PCMTD1: variants seen among roughly 807,000 people sequenced by gnomAD.
PCMTD1 encodes the protein protein-L-isoaspartate (D-aspartate) O-methyltransferase domain containing 1.
In PCMTD1, 12 loss-of-function variants were observed where a neutral mutation model predicts 37.6. The observed-to-expected ratio is 0.32, with a 90% CI of 0.20 to 0.52. PCMTD1 has a LOEUF of 0.52. Among genes scored for constraint, PCMTD1 ranks in the 20% least tolerant of loss-of-function variants. The pLI, the probability that PCMTD1 is intolerant of heterozygous loss-of-function variation, is 0.97. For synonymous variants in PCMTD1, 117 were observed against 135.8 expected (o/e 0.86, Z 0.96); for missense variants, 235 against 421.3 (o/e 0.56, Z 3.87).
intron 3 of PCMTD1, among the ~76,000 whole-genome samples, chr8:51,844,041 T>C (rs1047706299): frequency 1.3e-5 from 2 of 152,140 alleles, no homozygotes; most frequent in African/African-American, 4.8e-5. Flanking sequence ...AGCAATTAAA[T>C]AAAATGAACA....
At chr8:51,826,876 A>G in intron 5 of PCMTD1, 1 of 854,060 alleles carries the variant, frequency 1.2e-6, no homozygotes, top group Non-Finnish European at 1.4e-6. Flanking sequence ...AGAAAGAAAT[A>G]GGATTTTTAA....
chr8:51,845,786 AT>A (rs1396311168), intron 2 of PCMTD1, 23 bp from the exon 3 acceptor site: 1 of 1,529,868 alleles, frequency 6.5e-7, no homozygotes, highest in African/African-American at 1.4e-5. Context: ...CAGCATTTTT[AT>A]AAAAAATATT....
intron 3 of PCMTD1, among the ~76,000 whole-genome samples, chr8:51,835,401 A>G (rs1278330136): frequency 6.6e-6 from 1 of 152,194 alleles, no homozygotes; most frequent in Non-Finnish European, 1.5e-5. Context: ...ATCATATTTA[A>G]TTTCTCTTTT....
chr8:51,876,397 A>C (rs75357928), intron 1 of PCMTD1, among the ~76,000 whole-genome samples: 8,876 of 36,984 alleles, frequency 0.24, 376 homozygotes, highest in Non-Finnish European at 0.47. Flanking sequence ...CACACACACA[A>C]AAAAAAATAG....
chr8:51,892,957 G>T (rs1388421705), intron 1 of PCMTD1, among the ~76,000 whole-genome samples: 1 of 152,162 alleles, frequency 6.6e-6, no homozygotes, highest in African/African-American at 2.4e-5. Context: ...TATATTTTTT[G>T]TATCACTTAA....
Position 51,873,970 on chromosome 8 carries a change from T to A in PCMTD1, c.-95-12724A>T, listed in dbSNP as rs1162884609. On this transcript the variant is annotated intron_variant, in intron 1 of 5. Transcript: ENST00000522514. ...GCTCTGTCACCAGGGTGGAGTGCAG[T>A]GGCGCAATCTCAGCTCACTGCAAGC... 2.0e-5 allele frequency among the ~76,000 whole-genome samples: 3 copies of A among 151,642 alleles called. No homozygotes were observed. The East Asian group carries it at 5.8e-4, about 29-fold the overall frequency.
chr8:51,820,717 A>G lies in PCMTD1; in HGVS notation c.708T>C (p.Pro236=), dbSNP rs769737090. 1.9e-6 allele frequency: 3 copies of G among 1,586,836 alleles called. No individual in the cohort carries two copies. The highest frequency in any genetic ancestry group is 2.6e-6 in the Non-Finnish European group (3 of 1,171,146). ...CCTGTAGATTCCTGACAGCACAGGGAGCTAAAAACAAACATAAAACGCAAG... is the reference window on the plus strand; with the variant it reads ...CCTGTAGATTCCTGACAGCACAGGGGGCTAAAAACAAACATAAAACGCAAG... ...DNGKPDSVGL[P]PCAVRNLQDL... Residue 236 remains proline (P), a splice_region_variant and synonymous_variant, in exon 6 of 6, where the codon CCT becomes CCC. Transcript: ENST00000522514.
At chr8:51,889,118 C>T (rs940652818) in intron 1 of PCMTD1, among the ~76,000 whole-genome samples, 2 of 152,164 alleles carry the variant, frequency 1.3e-5, no homozygotes, top group Non-Finnish European at 2.9e-5. Flanking sequence ...GTTAACTCCT[C>T]ACTCACTGCC....
chr8:51,893,354 A>T (rs1585864264), intron 1 of PCMTD1, among the ~76,000 whole-genome samples: 4 of 152,220 alleles, frequency 2.6e-5, no homozygotes, highest in Admixed American at 2.6e-4. Context: ...GATTATTTTT[A>T]AAAAGTCTGA....
chr8:51,873,188 G>C (rs546416292), intron 1 of PCMTD1, among the ~76,000 whole-genome samples: 1 of 152,258 alleles, frequency 6.6e-6, no homozygotes, highest in South Asian at 2.1e-4. Context: ...CATAGGAATA[G>C]AGGCAGGATG....
intron 1 of PCMTD1, among the ~76,000 whole-genome samples, chr8:51,868,822 C>T (rs1363234220): frequency 1.3e-5 from 2 of 152,080 alleles, no homozygotes; most frequent in African/African-American, 2.4e-5. Context: ...GATAATGTGC[C>T]TTTGCAGAAA....
rs2037821916 is a variant in PCMTD1, at chr8:51,820,162, A to T, written c.*189T>A. 2.1e-6 allele frequency: 1 copy of T among 470,080 alleles called. No individual in the cohort carries two copies. Among genetic ancestry groups the T allele is most frequent in the Admixed American group, 4.1e-5 (1 of 24,424 alleles). 29.1% of individuals were successfully genotyped at this position (470,080 alleles called of 1,614,324 possible). On this transcript the variant is annotated 3_prime_UTR_variant, in exon 6 of 6. Transcript: ENST00000522514. ...ACATTTTTCCAAGATTTAAAGAAAA[A>T]TAGATTTTATAAAAGGGATTCTTTT...
At chr8:51,860,652 T>TAG in intron 2 of PCMTD1, 193 bp downstream of exon 2, 1 of 524,572 alleles carries the variant, frequency 1.9e-6, no homozygotes, top group Non-Finnish European at 3.3e-6. Flanking sequence ...AGAGCTACTG[T>TAG]AGGTTGAGGT....
chr8:51,846,783 T>TAAA (rs1305505725), intron 2 of PCMTD1, among the ~76,000 whole-genome samples: 2 of 152,208 alleles, frequency 1.3e-5, no homozygotes, highest in African/African-American at 4.8e-5. Flanking sequence ...GTTGAAACAG[T>TAAA]ACATGTAAAA....
chr8:51,882,050 C>G (rs1296597469), intron 1 of PCMTD1, among the ~76,000 whole-genome samples: 2 of 91,764 alleles, frequency 2.2e-5, no homozygotes, highest in East Asian at 5.7e-4. Context: ...CACTTATAAG[C>G]CTTAGTCTTT....
chr8:51,891,533 G>GT (rs1226003666), intron 1 of PCMTD1, among the ~76,000 whole-genome samples: 1 of 151,836 alleles, frequency 6.6e-6, no homozygotes. Flanking sequence ...TCCAGGCTGG[G>GT]TGACACAGCG....
intron 1 of PCMTD1, among the ~76,000 whole-genome samples, chr8:51,885,825 C>T (rs4573264): frequency 6.6e-5 from 10 of 152,178 alleles, no homozygotes; most frequent in Admixed American, 4.6e-4. Context: ...CAGGGGCATA[C>T]GTTGTTTGTG....
chr8:51,840,911 T>G (rs1207405839), intron 3 of PCMTD1, among the ~76,000 whole-genome samples: 1 of 152,182 alleles, frequency 6.6e-6, no homozygotes, highest in East Asian at 1.9e-4. Flanking sequence ...TATAGTGAAT[T>G]AAGTGCATTA....
chr8:51,860,805 G>A (rs759502084), intron 2 of PCMTD1, 40 bp downstream of exon 2: 1 of 1,466,646 alleles, frequency 6.8e-7, no homozygotes, highest in South Asian at 1.3e-5. Context: ...ATACAAAATG[G>A]CTTATTTTTT....
Sources: gnomAD v4.1 joint callset for allele counts (sites outside exome capture counted in the v4.1 genomes callset) on GRCh38, gnomAD v4.1.1 for gene constraint, MANE v1.5 for transcripts, NCBI Gene and HGNC (gene_info 2026-07-23, HGNC 2026-07-21) for gene names.